ACLY: variants seen among roughly 807,000 people sequenced by gnomAD.
The protein encoded by ACLY is ATP-citrate synthase.
In ACLY, 41 loss-of-function variants were observed where a neutral mutation model predicts 133.0. That is an observed-to-expected ratio of 0.31 (90% CI 0.24 to 0.40). ACLY has a LOEUF of 0.40. Ranked by LOEUF, ACLY falls within the 10% of genes least tolerant of loss-of-function variation. The pLI is 1.00. For synonymous variants in ACLY, 495 were observed against 549.3 expected, an observed-to-expected ratio of 0.90 and a Z score of 1.38; for missense variants, 1,046 against 1,453.8, an observed-to-expected ratio of 0.72 and a Z score of 4.56.
chr17:41,869,715 A>C lies in ACLY; in HGVS notation c.2938-128T>G, dbSNP rs1240458955. The C allele has an allele frequency of 4.3e-6, 3 of 692,348 alleles. No individual in the cohort carries two copies. The Admixed American group carries it at 7.2e-5, about 17-fold the overall frequency. 42.9% of individuals were successfully genotyped at this position (692,348 alleles called of 1,614,324 possible). A position where few individuals can be genotyped will look rare whatever the true frequency, so the allele number is the denominator to read the frequency against. ...CGATTCAGGAACCTGGCCCACGTGT[A>C]CCATTCCATGTGGCACCAATTGTGC... On this transcript the variant is annotated intron_variant, in intron 25 of 28. Coordinates refer to ENST00000352035, the MANE Select transcript of ACLY (RefSeq NM_001096.3).
Position 41,910,219 on chromosome 17 carries a change from T to C in ACLY, c.345+3A>G, listed in dbSNP as rs1211164416. 1.1e-5 allele frequency: 18 copies of C among 1,613,110 alleles called. No individual in the cohort carries two copies. Among genetic ancestry groups the C allele is most frequent in the Non-Finnish European group, 1.4e-5 (16 of 1,179,630 alleles). On this transcript the variant is annotated splice_donor_region_variant and intron_variant, in intron 4 of 28. Transcript: ENST00000352035. Reference sequence around the variant, plus strand: ...ACCCAGCCTGGAGCCGCCTCACACATACCTGACTGTGGGGGACGAAGGGCT... The same window carrying C: ...ACCCAGCCTGGAGCCGCCTCACACACACCTGACTGTGGGGGACGAAGGGCT...
rs1383704387 is a variant in ACLY at position 41,871,750 on chromosome 17, A to G, written c.2876T>C (p.Phe959Ser). 19 of 1,613,968 alleles carry G rather than the reference A, an allele frequency of 1.2e-5. No individual in the cohort carries two copies. In the Admixed American group the frequency reaches 3.2e-4, roughly 27 times the overall value. Reference sequence around the variant, plus strand: ...CCCTTCCTTCTTCATCTTGTTCACAAACTCCATGGGGATAATGCCACTGTC... The same window carrying G: ...CCCTTCCTTCTTCATCTTGTTCACAGACTCCATGGGGATAATGCCACTGTC... ...AFDSGIIPME[F>S]VNKMKKEGKL... The change falls in exon 25 of 29, where the codon TTT (phenylalanine) becomes TCT (serine). Residue 959 changes from phenylalanine (F) to serine (S), a missense_variant. Transcript: ENST00000352035.
intron 14 of ACLY, 96 bp downstream of exon 14, chr17:41,896,524 C>G: frequency 8.5e-7 from 1 of 1,178,680 alleles, no homozygotes; most frequent in Non-Finnish European, 1.2e-6. Context: ...GACGACACTG[C>G]AACCCACCAG....
At chr17:41,903,983 G>C (rs1555632095) in intron 10 of ACLY, among the ~76,000 whole-genome samples, 2 of 151,770 alleles carry the variant, frequency 1.3e-5, no homozygotes, top group African/African-American at 2.4e-5. Flanking sequence ...CGGGCACGGT[G>C]GTGGGTGTCT....
At chr17:41,891,868 A>G (rs1336092921) in intron 16 of ACLY, among the ~76,000 whole-genome samples, 1 of 151,930 alleles carries the variant, frequency 6.6e-6, no homozygotes, top group Non-Finnish European at 1.5e-5. Context: ...TGGCTTGACT[A>G]ATTTTTAAGC....
intron 8 of ACLY, 94 bp downstream of exon 8, chr17:41,906,434 C>T: frequency 8.9e-7 from 1 of 1,126,072 alleles, no homozygotes; most frequent in South Asian, 1.3e-5. Context: ...CAAATTCCCA[C>T]ACCAAAGTGA....
At chr17:41,896,507 T>G in intron 14 of ACLY, 113 bp downstream of exon 14, 1 of 953,664 alleles carries the variant, frequency 1.0e-6, no homozygotes, top group Non-Finnish European at 1.5e-6. Flanking sequence ...GGACAGAAAA[T>G]AGACCAGACG....
chr17:41,897,540 A>C (rs1252865151), intron 13 of ACLY, among the ~76,000 whole-genome samples: 4 of 152,250 alleles, frequency 2.6e-5, no homozygotes, highest in African/African-American at 9.6e-5. Context: ...TGAGGCGACC[A>C]GGCACGGCGT....
intron 16 of ACLY, among the ~76,000 whole-genome samples, chr17:41,888,003 C>G (rs1233199845): frequency 2.0e-5 from 3 of 152,034 alleles, no homozygotes; most frequent in Non-Finnish European, 4.4e-5. Context: ...TGGTGCGCGC[C>G]TATAATCCCA....
intron 14 of ACLY, among the ~76,000 whole-genome samples, chr17:41,895,979 C>T (rs995244992): frequency 6.6e-6 from 1 of 152,142 alleles, no homozygotes; most frequent in Non-Finnish European, 1.5e-5. Context: ...CCTCATACAC[C>T]AGACAAAGCT....
intron 1 of ACLY, among the ~76,000 whole-genome samples, chr17:41,927,963 C>G (rs2050263125): frequency 6.6e-6 from 1 of 151,944 alleles, no homozygotes; most frequent in Non-Finnish European, 1.5e-5. Context: ...ATGGCAAAAC[C>G]CTGTCTCTAC....
At chr17:41,925,740 A>C (rs2050236004) in intron 1 of ACLY, among the ~76,000 whole-genome samples, 1 of 152,176 alleles carries the variant, frequency 6.6e-6, no homozygotes, top group Non-Finnish European at 1.5e-5. Context: ...GCTCACAGTG[A>C]AGGCAGTAGT....
At chr17:41,881,291 G>A (rs576752697) in intron 20 of ACLY, among the ~76,000 whole-genome samples, 4 of 151,780 alleles carry the variant, frequency 2.6e-5, no homozygotes, top group Middle Eastern at 3.4e-3. Flanking sequence ...TTAGCCGGGC[G>A]TGGTGGCTGT....
At chr17:41,879,671 AAAAAAAAAAAAAAAAAG>A (rs1597981516) in intron 20 of ACLY, among the ~76,000 whole-genome samples, 5 of 126,192 alleles carry the variant, frequency 4.0e-5, no homozygotes, top group East Asian at 2.2e-4. Context: ...AAAAAAAAAA[AAAAAAAAAAAAAAAAAG>A]AAGTGCTAAA....
At chr17:41,921,292 C>T (rs1280844641), upstream of ACLY, among the ~76,000 whole-genome samples, 2 of 151,266 alleles carry the variant, frequency 1.3e-5, no homozygotes, top group Non-Finnish European at 2.9e-5. Context: ...AGTGAGACTC[C>T]GTCTCAAAAC....
At chr17:41,875,264 C>A (rs1233168208) in intron 22 of ACLY, among the ~76,000 whole-genome samples, 1 of 151,056 alleles carries the variant, frequency 6.6e-6, no homozygotes, top group African/African-American at 2.4e-5. Flanking sequence ...GCAGGAGAAT[C>A]GCTTGAATCT....
chr17:41,890,631 T>C (rs1461218233), intron 16 of ACLY, among the ~76,000 whole-genome samples: 3 of 151,274 alleles, frequency 2.0e-5, no homozygotes, highest in African/African-American at 4.9e-5. Context: ...GAGGTTGCGG[T>C]GAGCCGAGAT....
intron 1 of ACLY, among the ~76,000 whole-genome samples, chr17:41,914,451 A>G (rs782174626): frequency 6.6e-6 from 1 of 152,184 alleles, no homozygotes; most frequent in Non-Finnish European, 1.5e-5. Flanking sequence ...GCCAATGGCC[A>G]AGCCAGCAAG....
At chr17:41,899,436 A>G (rs992024645) in intron 11 of ACLY, among the ~76,000 whole-genome samples, 1 of 151,938 alleles carries the variant, frequency 6.6e-6, no homozygotes, top group African/African-American at 2.4e-5. Context: ...CTCTGTTCCT[A>G]AACACCCTGA....
Sources: allele counts gnomAD v4.1 joint callset (sites outside exome capture counted in the v4.1 genomes callset), GRCh38; gene constraint gnomAD v4.1.1; transcripts MANE v1.5; gene names NCBI Gene and HGNC (gene_info 2026-07-23, HGNC 2026-07-21).